Variants in NAALADL2 observed in about 807,000 individuals in gnomAD.
NAALADL2 encodes the protein inactive N-acetylated-alpha-linked acidic dipeptidase-like protein 2.
A neutral mutation model predicts 87.2 loss-of-function variants in NAALADL2; 76 were observed. The ratio of observed to expected loss-of-function variants is 0.87; its 90% CI spans 0.72 to 1.05. NAALADL2 has a LOEUF of 1.05. Ranked by LOEUF, NAALADL2 falls within the 50% of genes least tolerant of loss-of-function variation. The probability of loss-of-function intolerance (pLI) is 0.00; values close to 1 mark genes in which losing one functional copy is unlikely to be tolerated. For synonymous variants in NAALADL2, 354 were observed against 331.0 expected, an observed-to-expected ratio of 1.07 and a Z score of -0.75; for missense variants, 1,089 against 945.8, an observed-to-expected ratio of 1.15 and a Z score of -1.99.
chr3:174,866,286 T>C (rs1727133511), intron 1 of NAALADL2, among the ~76,000 whole-genome samples: 1 of 151,842 alleles, frequency 6.6e-6, no homozygotes, highest in African/African-American at 2.4e-5. Flanking sequence ...AATACTATTA[T>C]ATAACTCATA....
At chr3:175,222,869 T>C (rs1390002691) in intron 2 of NAALADL2, among the ~76,000 whole-genome samples, 3 of 152,204 alleles carry the variant, frequency 2.0e-5, no homozygotes, top group African/African-American at 4.8e-5. Flanking sequence ...CATTGTTTTA[T>C]ATTTTTCAAA....
chr3:174,817,774 G>A (rs774022056), intron 3 of NAALADL2, among the ~76,000 whole-genome samples: 3 of 152,100 alleles, frequency 2.0e-5, no homozygotes, highest in African/African-American at 7.2e-5. Context: ...ATACTTTGTA[G>A]CTTCTTATAA....
chr3:175,502,228 G>GGGGTGTGTGTGTGT (rs373702257), intron 9 of NAALADL2, among the ~76,000 whole-genome samples: 21 of 147,292 alleles, frequency 1.4e-4, no homozygotes, highest in African/African-American at 5.2e-4. Context: ...CATTATCCTG[G>GGGGTGTGTGTGTGT]GTGTGTGTGT....
chr3:175,674,730 G>A (rs1411201021), intron 11 of NAALADL2, among the ~76,000 whole-genome samples: 4 of 151,886 alleles, frequency 2.6e-5, no homozygotes, highest in African/African-American at 7.3e-5. Flanking sequence ...AGTTTTACAT[G>A]ATGTCATATT....
chr3:175,431,430 T>C (rs904725120), intron 5 of NAALADL2, among the ~76,000 whole-genome samples: 1 of 152,040 alleles, frequency 6.6e-6, no homozygotes, highest in Non-Finnish European at 1.5e-5. Flanking sequence ...ACTGGCGTAA[T>C]GTGACTCATT....
intron 2 of NAALADL2, among the ~76,000 whole-genome samples, chr3:174,702,553 GTTA>G (rs763512216): frequency 5.9e-5 from 9 of 152,154 alleles, no homozygotes; most frequent in Admixed American, 2.6e-4. Flanking sequence ...AGGCAATTTT[GTTA>G]TTATGCGAAC....
chr3:174,446,007 T>C (rs1050035082), intron 1 of NAALADL2, among the ~76,000 whole-genome samples: 3 of 152,206 alleles, frequency 2.0e-5, no homozygotes, highest in African/African-American at 4.8e-5. Flanking sequence ...GGGATATTGA[T>C]GTCAGACAAA....
chr3:174,776,170 CT>C (rs1231329376), intron 3 of NAALADL2, among the ~76,000 whole-genome samples: 2 of 152,068 alleles, frequency 1.3e-5, no homozygotes, highest in Non-Finnish European at 2.9e-5. Flanking sequence ...TTATTTAAAC[CT>C]GAAGTTTTTC....
At chr3:175,623,763 G>A (rs1047067708) in intron 10 of NAALADL2, among the ~76,000 whole-genome samples, 2 of 151,964 alleles carry the variant, frequency 1.3e-5, no homozygotes, top group African/African-American at 4.8e-5. Flanking sequence ...ATAGAGGGGT[G>A]CAGAGCCATA....
At chr3:175,565,820 G>GCCCC (rs10642611) in intron 9 of NAALADL2, among the ~76,000 whole-genome samples, 19 of 70,174 alleles carry the variant, frequency 2.7e-4, no homozygotes, top group South Asian at 7.8e-4. Context: ...AAAAACAAAA[G>GCCCC]CCCCCCCCCT....
At chr3:175,164,602 T>G (rs1056599532) in intron 2 of NAALADL2, among the ~76,000 whole-genome samples, 2 of 152,180 alleles carry the variant, frequency 1.3e-5, no homozygotes, top group African/African-American at 4.8e-5. Flanking sequence ...AAATAACCAG[T>G]AAGTTTGAAT....
intron 1 of NAALADL2, among the ~76,000 whole-genome samples, chr3:174,981,695 G>A (rs1560438453): frequency 1.3e-5 from 2 of 152,128 alleles, no homozygotes; most frequent in African/African-American, 2.4e-5. Flanking sequence ...AAATGACCAT[G>A]ACTTAAAATA....
chr3:175,132,011 T>C (rs1728049798), intron 2 of NAALADL2, among the ~76,000 whole-genome samples: 1 of 108,340 alleles, frequency 9.2e-6, no homozygotes, highest in Admixed American at 9.0e-5. Flanking sequence ...CCCCCCCACC[T>C]CCCTCCCGGA....
intron 1 of NAALADL2, among the ~76,000 whole-genome samples, chr3:174,470,997 T>TC (rs1716861738): frequency 6.6e-6 from 1 of 152,116 alleles, no homozygotes; most frequent in Non-Finnish European, 1.5e-5. Context: ...TTATTTTTTT[T>TC]CTTATGAAGA....
At chr3:175,449,972 G>A (rs1426739107) in intron 6 of NAALADL2, among the ~76,000 whole-genome samples, 1 of 152,090 alleles carries the variant, frequency 6.6e-6, no homozygotes, top group East Asian at 1.9e-4. Context: ...GTTATAATGA[G>A]TTATTTATTT....
intron 1 of NAALADL2, among the ~76,000 whole-genome samples, chr3:174,467,596 TAAAAAAAAA>T (rs58227642): frequency 1.2e-4 from 7 of 59,588 alleles, no homozygotes; most frequent in African/African-American, 5.3e-4. Context: ...CCATCTCAGT[TAAAAAAAAA>T]AAAAAAAAAA....
chr3:175,655,815 A>G (rs1054870161), intron 11 of NAALADL2, among the ~76,000 whole-genome samples: 1 of 152,218 alleles, frequency 6.6e-6, no homozygotes, highest in African/African-American at 2.4e-5. Context: ...CTATTCTCAC[A>G]GTATGGCAGA....
At chr3:175,501,418 GT>G (rs1729524105) in intron 9 of NAALADL2, among the ~76,000 whole-genome samples, 1 of 20,954 alleles carries the variant, frequency 4.8e-5, no homozygotes, top group Non-Finnish European at 9.1e-5. Context: ...TTTTCCATAC[GT>G]TTTAGACACA....
chr3:175,321,918 T>C (rs1217141360), intron 4 of NAALADL2, among the ~76,000 whole-genome samples: 1,561 of 146,766 alleles, frequency 0.011, 14 homozygotes, highest in Non-Finnish European at 0.018. Flanking sequence ...CTGCCCAAGG[T>C]AATTTACAGA....
Sources: allele counts gnomAD v4.1 joint callset (sites outside exome capture counted in the v4.1 genomes callset), GRCh38; gene constraint gnomAD v4.1.1; transcripts MANE v1.5; gene names NCBI Gene and HGNC (gene_info 2026-07-23, HGNC 2026-07-21).